Variants in FAM3C observed in about 807,000 individuals in gnomAD.
FAM3C encodes FAM3 metabolism regulating signaling molecule C.
A neutral mutation model predicts 32.5 loss-of-function variants in FAM3C; 15 were observed. The observed-to-expected ratio is 0.46, with a 90% confidence interval of 0.31 to 0.71. FAM3C has a LOEUF of 0.71. Ranked by LOEUF, FAM3C falls within the 30% of genes least tolerant of loss-of-function variation. The pLI, the probability that FAM3C is intolerant of heterozygous loss-of-function variation, is 0.05. For synonymous variants in FAM3C, 75 were observed against 86.1 expected (o/e 0.87, Z 0.72); for missense variants, 175 against 274.4 (o/e 0.64, Z 2.56).
Position 121,365,852 on chromosome 7 carries a change from T to A in FAM3C, c.273-1664A>T, listed in dbSNP as rs553880605. ...TGCAAACATTAATCAAAAGAGAAAT[T>A]ACAATTCAATTATAAAGAAACAACC... On this transcript the variant is annotated intron_variant, in intron 5 of 9. Transcript: ENST00000359943. Among the ~76,000 whole-genome samples the A allele has an allele frequency of 2.2e-4, 33 of 152,128 alleles. 1 individual carries two copies. The highest frequency in any genetic ancestry group is 6.8e-3 in the Middle Eastern group (2 of 294).
chr7:121,373,571 A>G (rs1794186964), intron 3 of FAM3C, among the ~76,000 whole-genome samples: 1 of 152,238 alleles, frequency 6.6e-6, no homozygotes, highest in Non-Finnish European at 1.5e-5. Context: ...AACATTTGTT[A>G]TTGCATTTCA....
intron 1 of FAM3C, among the ~76,000 whole-genome samples, chr7:121,385,846 C>G (rs1200808495): frequency 6.6e-6 from 1 of 152,124 alleles, no homozygotes; most frequent in Non-Finnish European, 1.5e-5. Flanking sequence ...TCACACACAC[C>G]CTTATTTTAT....
chr7:121,365,305 G>A (rs920460351), intron 5 of FAM3C, among the ~76,000 whole-genome samples: 4 of 152,078 alleles, frequency 2.6e-5, no homozygotes, highest in African/African-American at 9.7e-5. Context: ...AAATAATGGA[G>A]ATTCATGTTC....
chr7:121,354,472 G>A (rs1158287022), intron 8 of FAM3C, among the ~76,000 whole-genome samples: 2 of 152,204 alleles, frequency 1.3e-5, no homozygotes, highest in Non-Finnish European at 2.9e-5. Context: ...AGAAAGGGAG[G>A]AAGTGGGAAC....
At chr7:121,393,826 A>G (rs559685777) in intron 1 of FAM3C, among the ~76,000 whole-genome samples, 1 of 152,378 alleles carries the variant, frequency 6.6e-6, no homozygotes, top group Non-Finnish European at 1.5e-5. Context: ...TAAGTAATTT[A>G]GTCAATGCCA....
At chr7:121,358,060 A>C (rs1793847011) in intron 8 of FAM3C, among the ~76,000 whole-genome samples, 1 of 152,124 alleles carries the variant, frequency 6.6e-6, no homozygotes, top group Admixed American at 6.5e-5. Flanking sequence ...ATGAGAGCCT[A>C]ATTACATCCT....
At position 121,379,027 on chromosome 7, in the gene FAM3C, A is replaced by C; in HGVS notation, c.14-13T>G. 7.0e-7 allele frequency: 1 copy of C among 1,424,286 alleles called. No individual in the cohort carries two copies. The highest frequency in any genetic ancestry group is 9.6e-7 in the Non-Finnish European group (1 of 1,039,012). 88.2% of individuals were successfully genotyped at this position (1,424,286 alleles called of 1,614,324 possible). Reference sequence around the variant, plus strand: ...AACTTTGCAGCACCTAAAAGGCAGAAGTATTTCAGCATAACTTTGTAAGCC... The same window carrying C: ...AACTTTGCAGCACCTAAAAGGCAGACGTATTTCAGCATAACTTTGTAAGCC... On this transcript the variant is annotated splice_polypyrimidine_tract_variant and intron_variant, in intron 2 of 9. Transcript: ENST00000359943.
At chr7:121,351,499 T>C (rs997794694) in intron 8 of FAM3C, 6 of 421,892 alleles carry the variant, frequency 1.4e-5, no homozygotes, top group Middle Eastern at 6.0e-4. Flanking sequence ...AAGGACCTGT[T>C]AGGTTTTTAT....
At chr7:121,379,853 A>T (rs1794314903) in intron 2 of FAM3C, among the ~76,000 whole-genome samples, 2 of 152,202 alleles carry the variant, frequency 1.3e-5, no homozygotes, top group African/African-American at 4.8e-5. Context: ...ATAAAGTCTT[A>T]AAAAATCCGA....
chr7:121,383,853 A>G (rs1415552638), intron 1 of FAM3C, among the ~76,000 whole-genome samples: 1 of 152,208 alleles, frequency 6.6e-6, no homozygotes, highest in Non-Finnish European at 1.5e-5. Flanking sequence ...AACTCAACCT[A>G]TTGTAAAGGA....
chr7:121,361,992 A>G (rs762180983), intron 7 of FAM3C, among the ~76,000 whole-genome samples: 3 of 152,152 alleles, frequency 2.0e-5, no homozygotes, highest in Non-Finnish European at 2.9e-5. Context: ...CCATCTTATT[A>G]CAAGCTGAAG....
chr7:121,378,713 T>A (rs1026324545), intron 3 of FAM3C, among the ~76,000 whole-genome samples, 197 bp downstream of exon 3: 3 of 151,540 alleles, frequency 2.0e-5, no homozygotes, highest in South Asian at 2.1e-4. Flanking sequence ...AAATGTTGAA[T>A]AGAAGATTCA....
intron 6 of FAM3C, 52 bp from the exon 7 acceptor site, chr7:121,362,999 C>A: frequency 2.5e-6 from 2 of 812,818 alleles, no homozygotes; most frequent in Non-Finnish European, 4.1e-6. Context: ...ATATCATACA[C>A]TGTAAGACCA....
intron 5 of FAM3C, among the ~76,000 whole-genome samples, chr7:121,365,829 C>T (rs1794014234): frequency 6.6e-6 from 1 of 151,940 alleles, no homozygotes; most frequent in Non-Finnish European, 1.5e-5. Context: ...ACATATCATG[C>T]AAACATTAAT....
intron 1 of FAM3C, among the ~76,000 whole-genome samples, chr7:121,385,970 C>A (rs1447227348): frequency 2.0e-5 from 3 of 152,098 alleles, no homozygotes; most frequent in Non-Finnish European, 4.4e-5. Context: ...ACGCTACAAA[C>A]AAATCCACTT....
At chr7:121,390,044 ACTC>A (rs1232054798) in intron 1 of FAM3C, among the ~76,000 whole-genome samples, 4 of 152,210 alleles carry the variant, frequency 2.6e-5, no homozygotes, top group African/African-American at 9.6e-5. Flanking sequence ...CCTTATATAA[ACTC>A]CTCATTGCAA....
intron 7 of FAM3C, 123 bp downstream of exon 7, chr7:121,362,774 A>G: frequency 1.5e-6 from 1 of 663,728 alleles, no homozygotes; most frequent in South Asian, 1.9e-5. Context: ...GTGAACAGAA[A>G]GTAAGGGAAA....
At chr7:121,380,977 T>C (rs1794339505) in intron 2 of FAM3C, among the ~76,000 whole-genome samples, 1 of 152,012 alleles carries the variant, frequency 6.6e-6, no homozygotes, top group African/African-American at 2.4e-5. Flanking sequence ...TCAGAGGAAC[T>C]AGGAGGAAAG....
At chr7:121,379,092 T>C in intron 2 of FAM3C, 78 bp from the exon 3 acceptor site, 7 of 792,278 alleles carry the variant, frequency 8.8e-6, no homozygotes, top group Non-Finnish European at 4.1e-6. Context: ...AAAATGTTTA[T>C]AAATTTTTTA....
Sources: allele counts gnomAD v4.1 joint callset (sites outside exome capture counted in the v4.1 genomes callset), GRCh38; gene constraint gnomAD v4.1.1; transcripts MANE v1.5; gene names NCBI Gene and HGNC (gene_info 2026-07-23, HGNC 2026-07-21).